Variants in KIF11 observed in about 807,000 individuals in gnomAD.
KIF11 encodes kinesin-like protein KIF11.
Under a neutral mutation model 121.0 loss-of-function variants are expected in KIF11, and 9 were observed. The observed-to-expected ratio is 0.07, with a 90% CI of 0.04 to 0.13. KIF11 has a LOEUF of 0.13. Ranked by LOEUF, KIF11 falls within the 10% of genes least tolerant of loss-of-function variation. The pLI is 1.00. For synonymous variants in KIF11, 408 were observed against 421.0 expected, an observed-to-expected ratio of 0.97 and a Z score of 0.38; for missense variants, 846 against 1,217.5, an observed-to-expected ratio of 0.69 and a Z score of 4.54.
At position 92,654,068 on chromosome 10, in the gene KIF11, G is replaced by A. The variant is rs1845018109; in HGVS notation, c.*272G>A. ...GCACACTCCTGTAATCCCAGCTACT[G>A]GGGAGGCTGAGGCACGAGAATCACT... On this transcript the variant is annotated 3_prime_UTR_variant, in exon 22 of 22. Coordinates refer to ENST00000260731, the MANE Select transcript of KIF11 (RefSeq NM_004523.4). 2 of 251,664 alleles carry A rather than the reference G, an allele frequency of 7.9e-6. No individual in the cohort carries two copies. Among genetic ancestry groups the A allele is most frequent in the African/African-American group, 2.2e-5 (1 of 44,958 alleles). 15.6% of individuals were successfully genotyped at this position (251,664 alleles called of 1,614,324 possible).
intron 9 of KIF11, among the ~76,000 whole-genome samples, chr10:92,620,279 A>G (rs574255841): frequency 6.6e-6 from 1 of 151,942 alleles, no homozygotes; most frequent in African/African-American, 2.4e-5. Flanking sequence ...ACAGGGTTTC[A>G]CCATGTTAGC....
chr10:92,634,598 A>G (rs1844778331), intron 14 of KIF11, among the ~76,000 whole-genome samples: 1 of 152,192 alleles, frequency 6.6e-6, no homozygotes. Flanking sequence ...ATTTTTAAAG[A>G]CAGATCTCTC....
At chr10:92,607,288 C>A in intron 4 of KIF11, 51 bp downstream of exon 4, 2 of 1,111,926 alleles carry the variant, frequency 1.8e-6, no homozygotes, top group Non-Finnish European at 2.7e-6. Flanking sequence ...TGAAATTTAA[C>A]TGTATAAAAC....
chr10:92,649,819 C>T lies in KIF11; in HGVS notation c.2771-16C>T. The T allele has an allele frequency of 1.3e-6, 2 of 1,555,772 alleles. No homozygotes were observed. The highest frequency in any genetic ancestry group is 1.8e-6 in the Non-Finnish European group (2 of 1,139,308). On this transcript the variant is annotated splice_polypyrimidine_tract_variant and intron_variant, in intron 19 of 21. Transcript: ENST00000260731. ...TCATACTTTAATTTTTACCTCTTATCTAATGTCCGTTAAAGGTACGACACC... is the reference window on the plus strand; with the variant it reads ...TCATACTTTAATTTTTACCTCTTATTTAATGTCCGTTAAAGGTACGACACC...
chr10:92,638,594 G>GT (rs1361692690), intron 16 of KIF11, among the ~76,000 whole-genome samples: 1 of 152,156 alleles, frequency 6.6e-6, no homozygotes, highest in Non-Finnish European at 1.5e-5. Context: ...GATCTGAAAA[G>GT]TATCTTAGCA....
chr10:92,620,061 A>G (rs1409296920), intron 9 of KIF11, among the ~76,000 whole-genome samples: 1 of 149,530 alleles, frequency 6.7e-6, no homozygotes, highest in African/African-American at 2.4e-5. Context: ...AGAAGTATGT[A>G]ATGTCTGGTT....
chr10:92,645,498 T>G lies in KIF11; in HGVS notation c.2403T>G (p.Ser801=). ...TKLVEESVKH[S]DKLNGNLEKI... is the part of the protein sequence containing the mutation. ...TGGTTGAAGAATCTGTGAAACACTC[T>G]GATAAACTCAATGGCAACCTGGAAA... The change falls in exon 18 of 22, where the codon TCT becomes TCG. Residue 801 remains serine (S), a synonymous_variant. Transcript: ENST00000260731. 4 of 1,614,116 alleles carry G rather than the reference T, an allele frequency of 2.5e-6. No homozygotes were observed. Among genetic ancestry groups the G allele is most frequent in the Non-Finnish European group, 3.4e-6 (4 of 1,179,976 alleles).
chr10:92,609,721 A>G (rs1395337849), intron 6 of KIF11, among the ~76,000 whole-genome samples: 1 of 152,114 alleles, frequency 6.6e-6, no homozygotes, highest in Admixed American at 6.6e-5. Context: ...AAGTTGAACC[A>G]TAGCTGAAGT....
At chr10:92,635,115 G>A (rs1373685135) in intron 14 of KIF11, among the ~76,000 whole-genome samples, 1 of 152,008 alleles carries the variant, frequency 6.6e-6, no homozygotes, top group African/African-American at 2.4e-5. Flanking sequence ...TGTTTTCTTT[G>A]TGCAGAGTCT....
chr10:92,612,198 C>T (rs1281187933), intron 6 of KIF11, among the ~76,000 whole-genome samples: 1 of 151,792 alleles, frequency 6.6e-6, no homozygotes, highest in Admixed American at 6.6e-5. Flanking sequence ...TGCAGTAACT[C>T]AATCATGGCT....
Position 92,613,750 on chromosome 10 carries a change from A to C in KIF11, c.1032+131A>C. ...TGTAAACCCAGCACTTTGGAAGTCCAAGGTGGGCGGATCACTTGAGCTTAG... is the reference window on the plus strand; with the variant it reads ...TGTAAACCCAGCACTTTGGAAGTCCCAGGTGGGCGGATCACTTGAGCTTAG... On this transcript the variant is annotated intron_variant, in intron 8 of 21. Transcript: ENST00000260731. This position sits in a 1 kb window ranked among gnomAD's most constrained non-coding sequence, Gnocchi z 4.2. 1.2e-6 allele frequency: 1 copy of C among 838,528 alleles called. No individual in the cohort carries two copies. The highest frequency in any genetic ancestry group is 2.0e-5 in the South Asian group (1 of 51,112). 51.9% of individuals were successfully genotyped at this position (838,528 alleles called of 1,614,324 possible).
intron 4 of KIF11, among the ~76,000 whole-genome samples, 200 bp downstream of exon 4, chr10:92,607,437 A>T (rs567377235): frequency 3.3e-5 from 5 of 152,308 alleles, no homozygotes; most frequent in Admixed American, 1.3e-4. Flanking sequence ...AAGAGGAAGG[A>T]CCAATATATA....
Position 92,613,760 on chromosome 10 carries a change from G to A in KIF11, c.1032+141G>A. The A allele has an allele frequency of 2.6e-6, 2 of 763,970 alleles. No individual in the cohort carries two copies. The highest frequency in any genetic ancestry group is 2.7e-5 in the East Asian group (1 of 36,816). 47.3% of individuals were successfully genotyped at this position (763,970 alleles called of 1,614,324 possible). A position where few individuals can be genotyped will look rare whatever the true frequency, so the allele number is the denominator to read the frequency against. On this transcript the variant is annotated intron_variant, in intron 8 of 21. Coordinates refer to ENST00000260731, the MANE Select transcript of KIF11 (RefSeq NM_004523.4). This position sits in a 1 kb window ranked among gnomAD's most constrained non-coding sequence, Gnocchi z 4.2. ...GCACTTTGGAAGTCCAAGGTGGGCG[G>A]ATCACTTGAGCTTAGGAGTGCCTGG... is the stretch of plus-strand genomic sequence containing the variant.
At chr10:92,637,032 C>CAAA (rs66987236) in intron 14 of KIF11, 152 bp from the exon 15 acceptor site, 206 of 374,500 alleles carry the variant, frequency 5.5e-4, no homozygotes, top group Middle Eastern at 1.5e-3. Context: ...GACTCCGTCT[C>CAAA]AAAAAAAAAA....
chr10:92,620,639 G>C (rs1844606818), intron 9 of KIF11, among the ~76,000 whole-genome samples: 1 of 152,172 alleles, frequency 6.6e-6, no homozygotes, highest in Non-Finnish European at 1.5e-5. Flanking sequence ...ACAAAAGAAA[G>C]AGGTTTATTG....
intron 20 of KIF11, 47 bp from the exon 21 acceptor site, chr10:92,650,354 A>C (rs762086094): frequency 1.9e-6 from 2 of 1,071,088 alleles, no homozygotes; most frequent in South Asian, 1.3e-5. Context: ...TCTTGTGATG[A>C]CTTTTAAGCC....
At chr10:92,594,568 C>T (rs1844270926) in intron 1 of KIF11, among the ~76,000 whole-genome samples, 1 of 152,166 alleles carries the variant, frequency 6.6e-6, no homozygotes, top group African/African-American at 2.4e-5. Flanking sequence ...TTTCCGTATG[C>T]ATTTATTTAA....
intron 11 of KIF11, among the ~76,000 whole-genome samples, chr10:92,629,899 G>A (rs1242967447): frequency 2.6e-5 from 4 of 152,130 alleles, no homozygotes; most frequent in Non-Finnish European, 5.9e-5. Flanking sequence ...TTACAGGTGT[G>A]AACCACCTTG....
At chr10:92,611,464 G>A (rs577674501) in intron 6 of KIF11, among the ~76,000 whole-genome samples, 2 of 151,926 alleles carry the variant, frequency 1.3e-5, no homozygotes, top group Admixed American at 1.3e-4. Context: ...CGTCCACCTC[G>A]GCTTCCCAAA....
Sources: gnomAD v4.1 joint callset for allele counts (sites outside exome capture counted in the v4.1 genomes callset) on GRCh38, gnomAD v4.1.1 for gene constraint, Gnocchi (gnomAD v3.1) non-coding constraint, MANE v1.5 for transcripts, NCBI Gene and HGNC (gene_info 2026-07-23, HGNC 2026-07-21) for gene names.